Variants in CD244 observed in about 807,000 individuals in gnomAD.
CD244 encodes the protein natural killer cell receptor 2B4.
CD244 carries 20 observed loss-of-function variants against 45.5 expected under a neutral mutation model. The observed-to-expected ratio is 0.44, with a 90% confidence interval of 0.31 to 0.64. The LOEUF (loss-of-function observed/expected upper bound fraction) is 0.64. Ranked by LOEUF, CD244 falls within the 30% of genes least tolerant of loss-of-function variation. The pLI is 0.08. For missense variants in CD244, 407 were observed against 426.9 expected (o/e 0.95, Z 0.41); for synonymous variants, 185 against 160.5 (o/e 1.15, Z -1.15).
chr1:160,838,363 C>CT, intron 5 of CD244, 88 bp downstream of exon 5: 1 of 979,046 alleles, frequency 1.0e-6, no homozygotes, highest in South Asian at 1.3e-5. Context: ...TCGTTCAGTC[C>CT]TTTTTGTCCC....
intron 5 of CD244, among the ~76,000 whole-genome samples, chr1:160,836,694 G>T (rs1031056047): frequency 6.6e-6 from 1 of 152,122 alleles, no homozygotes. Context: ...TCAAGTCAGC[G>T]CCCTGGGCAG....
At position 160,850,920 on chromosome 1, in the gene CD244, G is replaced by A. The variant is rs545512510; in HGVS notation, c.62-9019C>T. On this transcript the variant is annotated intron_variant, in intron 1 of 8. Transcript: ENST00000368034. ...CAACTAGCTATAAACTGGGTTTCCC[G>A]TTATTCCCTCCTTGGGTTCAATTAA... 2.6e-5 allele frequency among the ~76,000 whole-genome samples: 4 copies of A among 152,266 alleles called. No homozygotes were observed. In the East Asian group the frequency reaches 5.8e-4, roughly 22 times the overall value.
At position 160,841,203 on chromosome 1, in the gene CD244, C is replaced by A. The variant is rs372444488; in HGVS notation, c.655+7G>T. 2.2e-4 allele frequency: 361 copies of A among 1,614,016 alleles called. 1 individual carries two copies. The highest frequency in any genetic ancestry group is 4.1e-4 in the South Asian group (37 of 91,052). ...GCGCTTGTTATAGCCCAGTGTGTTC[C>A]ACTTACCCTGATGGGCATTCTGACA... is the stretch of plus-strand genomic sequence containing the variant. On this transcript the variant is annotated splice_region_variant and intron_variant, in intron 3 of 8. Coordinates refer to ENST00000368034, the MANE Select transcript of CD244 (RefSeq NM_016382.4).
intron 1 of CD244, among the ~76,000 whole-genome samples, chr1:160,844,871 A>G (rs1669676242): frequency 6.6e-6 from 1 of 152,194 alleles, no homozygotes; most frequent in Non-Finnish European, 1.5e-5. Context: ...GCTACTTGGG[A>G]GTCTGAGGCA....
At position 160,841,850 on chromosome 1, in the gene CD244, T is replaced by C. The variant is rs750555557; in HGVS notation, c.113A>G (p.Gln38Arg). The C allele has an allele frequency of 7.4e-6, 12 of 1,614,054 alleles. No individual in the cohort carries two copies. Among genetic ancestry groups the C allele is most frequent in the South Asian group, 1.1e-5 (1 of 91,092 alleles). The change falls in exon 2 of 9, where the codon CAG becomes CGG. Residue 38 changes from glutamine to arginine, a missense_variant. Transcript: ENST00000368034. Reference protein sequence around the residue: ...HVVSISGVPLQLQPNSIQTKV... With the variant: ...HVVSISGVPLRLQPNSIQTKV... The stretch of plus-strand genomic sequence containing the variant: ...CGTCTGTATGCTGTTTGGTTGTAAC[T>C]GAAGAGGCACTCCCGAGATGCTAAC...
chr1:160,846,643 G>A (rs1442390616), intron 1 of CD244, among the ~76,000 whole-genome samples: 1 of 152,160 alleles, frequency 6.6e-6, no homozygotes, highest in African/African-American at 2.4e-5. Context: ...TCCTGCCTGG[G>A]TGACAAAGTG....
chr1:160,847,074 CA>C (rs912855089), intron 1 of CD244, among the ~76,000 whole-genome samples: 6 of 149,516 alleles, frequency 4.0e-5, no homozygotes, highest in African/African-American at 1.5e-4. Flanking sequence ...AGAAAATGAA[CA>C]AAAAAAGACA....
chr1:160,831,763 C>A (rs1669134693), intron 8 of CD244, among the ~76,000 whole-genome samples: 1 of 152,180 alleles, frequency 6.6e-6, no homozygotes, highest in Admixed American at 6.5e-5. Flanking sequence ...CAGGCAGCCA[C>A]CCATCCCTCC....
intron 1 of CD244, among the ~76,000 whole-genome samples, chr1:160,855,428 G>A (rs866914432): frequency 1.3e-5 from 2 of 152,238 alleles, no homozygotes; most frequent in African/African-American, 4.8e-5. Flanking sequence ...CGGCCTGGAA[G>A]GGGTGGGTGC....
chr1:160,854,446 G>A (rs1052216257), intron 1 of CD244, among the ~76,000 whole-genome samples: 1 of 152,084 alleles, frequency 6.6e-6, no homozygotes, highest in Non-Finnish European at 1.5e-5. Context: ...GCAGTGGCAT[G>A]ATCTCGGCTC....
chr1:160,862,076 C>T (rs12046021), intron 1 of CD244, among the ~76,000 whole-genome samples: 41,214 of 151,688 alleles, frequency 0.27, 6,385 homozygotes, highest in African/African-American at 0.42. Context: ...CCTGCATGTC[C>T]CTAATAATTT....
chr1:160,838,439 G>A lies in CD244; in HGVS notation c.834+12C>T, dbSNP rs376718877. 59 of 1,603,660 alleles carry A rather than the reference G, an allele frequency of 3.7e-5. No homozygotes were observed. In the South Asian group the frequency reaches 4.5e-4, roughly 12 times the overall value. On this transcript the variant is annotated intron_variant, in intron 5 of 8. Coordinates refer to ENST00000368034, the MANE Select transcript of CD244 (RefSeq NM_016382.4). ...CCAGCTGAGAGAGACCCCAGCCTCCGGGATGACATACGTGATTTCTCCTGG... is the reference window on the plus strand; with the variant it reads ...CCAGCTGAGAGAGACCCCAGCCTCCAGGATGACATACGTGATTTCTCCTGG...
At chr1:160,853,278 A>G (rs1571116281) in intron 1 of CD244, among the ~76,000 whole-genome samples, 2 of 152,234 alleles carry the variant, frequency 1.3e-5, no homozygotes, top group African/African-American at 4.8e-5. Context: ...CAAAAAGTAC[A>G]TAGTGAATTA....
chr1:160,838,906 G>A (rs760546229), intron 4 of CD244, 33 bp downstream of exon 4: 7 of 1,453,574 alleles, frequency 4.8e-6, no homozygotes, highest in East Asian at 2.3e-5. Flanking sequence ...AAGGCCTCAG[G>A]CAGGAGCACC....
intron 1 of CD244, chr1:160,848,022 C>G (rs1669794127): frequency 3.3e-6 from 1 of 298,766 alleles, no homozygotes; most frequent in African/African-American, 2.2e-5. Context: ...GTCAACCCCA[C>G]CATGTTCATT....
At chr1:160,841,106 G>A in intron 3 of CD244, 104 bp downstream of exon 3, 1 of 1,137,670 alleles carries the variant, frequency 8.8e-7, no homozygotes, top group Non-Finnish European at 1.3e-6. Flanking sequence ...CACTGGGAGA[G>A]GAGGCCAAGG....
chr1:160,835,828 C>T (rs536940979), intron 6 of CD244, among the ~76,000 whole-genome samples: 3 of 152,106 alleles, frequency 2.0e-5, no homozygotes, highest in South Asian at 2.1e-4. Flanking sequence ...TTCCTGAAAA[C>T]GAATATAATA....
rs576591404 is a variant in CD244 at position 160,840,870 on chromosome 1, A to C, written c.655+340T>G. 2.1e-4 allele frequency among the ~76,000 whole-genome samples: 32 copies of C among 152,334 alleles called. No homozygotes were observed. In the South Asian group the frequency reaches 6.4e-3, roughly 31 times the overall value. On this transcript the variant is annotated intron_variant, in intron 3 of 8. Coordinates refer to ENST00000368034, the MANE Select transcript of CD244 (RefSeq NM_016382.4). ...GTGGCTTGGAGAAAGTTATCACTCAAGAGGAGAGGACAGTTCTCCATCAGC... is the reference window on the plus strand; with the variant it reads ...GTGGCTTGGAGAAAGTTATCACTCACGAGGAGAGGACAGTTCTCCATCAGC...
intron 1 of CD244, among the ~76,000 whole-genome samples, chr1:160,861,079 T>A (rs1458595117): frequency 6.6e-6 from 1 of 152,188 alleles, no homozygotes; most frequent in Non-Finnish European, 1.5e-5. Flanking sequence ...AGCTTCTCTG[T>A]TACTCTCATC....
Sources: allele counts gnomAD v4.1 joint callset (sites outside exome capture counted in the v4.1 genomes callset), GRCh38; gene constraint gnomAD v4.1.1; transcripts MANE v1.5; gene names NCBI Gene and HGNC (gene_info 2026-07-23, HGNC 2026-07-21).